The following RIN2 variants were observed in gnomAD, a reference collection of about 807,000 sequenced individuals.
RIN2 encodes RAB5 interacting protein 2.
A neutral mutation model predicts 78.0 loss-of-function variants in RIN2; 36 were observed. That is an observed-to-expected ratio of 0.46 (90% CI 0.35 to 0.61). RIN2 has a LOEUF of 0.61. Among genes scored for constraint, RIN2 ranks in the 20% least tolerant of loss-of-function variants. The pLI, the probability that RIN2 is intolerant of heterozygous loss-of-function variation, is 0.00. For synonymous variants in RIN2, 466 were observed against 466.8 expected (o/e 1.00, Z 0.02); for missense variants, 1,087 against 1,159.7 (o/e 0.94, Z 0.91).
At chr20:19,781,778 TAC>T (rs2034515678) in intron 1 of RIN2, among the ~76,000 whole-genome samples, 1 of 146,686 alleles carries the variant, frequency 6.8e-6, no homozygotes, top group African/African-American at 2.6e-5. Context: ...AGGAAGATTA[TAC>T]ACTTTTTTTT....
chr20:19,844,683 TTCCTCTTCCTCTTCC>T (rs1568807771), intron 2 of RIN2, among the ~76,000 whole-genome samples: 1,249 of 21,474 alleles, frequency 0.058, 51 homozygotes, highest in East Asian at 0.13. Flanking sequence ...CTTCTTCTTC[TTCCTCTTCCTCTTCC>T]TCTTCTTCTT....
intron 2 of RIN2, among the ~76,000 whole-genome samples, chr20:19,812,376 T>C (rs2035631797): frequency 6.6e-6 from 1 of 152,238 alleles, no homozygotes; most frequent in African/African-American, 2.4e-5. Flanking sequence ...CATTGACAGT[T>C]GGTAATATCA....
chr20:19,959,820 C>T (rs1382510510), intron 5 of RIN2, among the ~76,000 whole-genome samples: 1 of 152,158 alleles, frequency 6.6e-6, no homozygotes, highest in African/African-American at 2.4e-5. Flanking sequence ...CAGGGAGAGT[C>T]ACTTCATTTG....
intron 3 of RIN2, among the ~76,000 whole-genome samples, chr20:19,904,241 ATATAT>A (rs1292211780): frequency 1.0e-4 from 12 of 119,660 alleles, no homozygotes; most frequent in South Asian, 5.0e-4. Context: ...CAAAAAAAAA[ATATAT>A]ATATATATAT....
chr20:19,960,103 T>C (rs1211428461), intron 5 of RIN2, among the ~76,000 whole-genome samples: 1 of 152,214 alleles, frequency 6.6e-6, no homozygotes, highest in Non-Finnish European at 1.5e-5. Flanking sequence ...GGAACAGCCA[T>C]TTTTCAGCTC....
In RIN2 at chr20:19,975,831, G is replaced by T; in HGVS notation, c.1762+44G>T. 1 of 1,514,420 alleles carries T rather than the reference G, an allele frequency of 6.6e-7. No individual in the cohort carries two copies. The highest frequency in any genetic ancestry group is 9.0e-7 in the Non-Finnish European group (1 of 1,112,556). 93.8% of individuals were successfully genotyped at this position (1,514,420 alleles called of 1,614,324 possible). A position where few individuals can be genotyped will look rare whatever the true frequency, so the allele number is the denominator to read the frequency against. On this transcript the variant is annotated intron_variant, in intron 9 of 12. Coordinates refer to ENST00000255006, the MANE Select transcript of RIN2 (RefSeq NM_018993.4). The surrounding 1 kb of genome is among the most constrained non-coding windows in gnomAD (Gnocchi z 4.9). The stretch of plus-strand genomic sequence containing the variant: ...AAAATATAAAATCTATTGTAACTCT[G>T]TCCGGGCAGTGCAACCTATGTTTGT...
At chr20:19,942,619 G>T (rs764625486) in intron 4 of RIN2, among the ~76,000 whole-genome samples, 1 of 152,212 alleles carries the variant, frequency 6.6e-6, no homozygotes. Flanking sequence ...TTGCTTTGAT[G>T]TGTATCCTTC....
intron 2 of RIN2, among the ~76,000 whole-genome samples, chr20:19,811,062 A>C (rs541162254): frequency 6.6e-6 from 1 of 151,850 alleles, no homozygotes; most frequent in Non-Finnish European, 1.5e-5. Context: ...AAAATGCACA[A>C]GGATAAAGCG....
intron 1 of RIN2, among the ~76,000 whole-genome samples, chr20:19,766,984 GT>G (rs1215371366): frequency 1.3e-5 from 2 of 151,996 alleles, no homozygotes; most frequent in African/African-American, 2.4e-5. Context: ...GGAACGTGGA[GT>G]TTGTAGGGGC....
intron 2 of RIN2, among the ~76,000 whole-genome samples, chr20:19,839,543 G>C (rs536536682): frequency 2.0e-5 from 3 of 152,306 alleles, no homozygotes; most frequent in Admixed American, 2.0e-4. Context: ...TCTACCAGGG[G>C]CTATTTACCC....
At chr20:19,986,725 T>A (rs768815709) in intron 9 of RIN2, among the ~76,000 whole-genome samples, 2 of 152,242 alleles carry the variant, frequency 1.3e-5, no homozygotes, top group Non-Finnish European at 2.9e-5. Context: ...CTCACTCTGA[T>A]GATAACAGTT....
intron 2 of RIN2, chr20:19,823,604 G>A (rs147294259): frequency 2.2e-5 from 34 of 1,534,002 alleles, no homozygotes; most frequent in Non-Finnish European, 2.9e-5. Context: ...CGCATCTGTC[G>A]AGCAATGTTG....
chr20:19,762,509 A>G (rs745461819), intron 1 of RIN2, among the ~76,000 whole-genome samples: 1 of 152,206 alleles, frequency 6.6e-6, no homozygotes, highest in Non-Finnish European at 1.5e-5. Context: ...AAAAGTAACA[A>G]TTCTCATTTA....
chr20:19,861,400 C>G (rs962460470), intron 2 of RIN2, among the ~76,000 whole-genome samples: 2 of 152,230 alleles, frequency 1.3e-5, no homozygotes, highest in African/African-American at 4.8e-5. Context: ...TAGTCAGGCT[C>G]CTGAACCTCC....
At chr20:19,884,411 G>T (rs1004706797) in intron 2 of RIN2, among the ~76,000 whole-genome samples, 2 of 152,082 alleles carry the variant, frequency 1.3e-5, no homozygotes, top group African/African-American at 4.8e-5. Flanking sequence ...GCAACAGAGC[G>T]AGACCCTGTC....
intron 4 of RIN2, among the ~76,000 whole-genome samples, chr20:19,950,883 C>CTTTT (rs1568651482): frequency 8.0e-6 from 1 of 125,278 alleles, no homozygotes. Flanking sequence ...GCCTGGCTAA[C>CTTTT]CTTTTTTTTT....
At chr20:19,786,522 C>G (rs1319727075) in intron 1 of RIN2, among the ~76,000 whole-genome samples, 2 of 152,224 alleles carry the variant, frequency 1.3e-5, no homozygotes, top group Non-Finnish European at 2.9e-5. Flanking sequence ...CAGTTACCAT[C>G]TGGCTGCAAC....
chr20:19,955,373 G>A (rs1032621530), intron 4 of RIN2, among the ~76,000 whole-genome samples: 1 of 151,088 alleles, frequency 6.6e-6, no homozygotes, highest in Non-Finnish European at 1.5e-5. Flanking sequence ...CCTCACTCCT[G>A]TTGTCCAGGC....
intron 2 of RIN2, among the ~76,000 whole-genome samples, chr20:19,811,724 C>T (rs1004649920): frequency 6.6e-6 from 1 of 152,012 alleles, no homozygotes; most frequent in Non-Finnish European, 1.5e-5. Context: ...AATCATACAG[C>T]GAACCATTAT....
Sources: gnomAD v4.1 joint callset for allele counts (sites outside exome capture counted in the v4.1 genomes callset) on GRCh38, gnomAD v4.1.1 for gene constraint, Gnocchi (gnomAD v3.1) non-coding constraint, MANE v1.5 for transcripts, NCBI Gene and HGNC (gene_info 2026-07-23, HGNC 2026-07-21) for gene names.